TMPRSS9: variants seen among roughly 807,000 people sequenced by gnomAD.
The protein encoded by TMPRSS9 is transmembrane protease serine 9.
TMPRSS9 carries 113 observed loss-of-function variants against 111.4 expected under a neutral mutation model. The observed-to-expected ratio is 1.01, with a 90% CI of 0.87 to 1.19. The LOEUF is 1.19. Ranked by LOEUF, TMPRSS9 falls within the 50% of genes most tolerant of loss-of-function variation. The probability of loss-of-function intolerance (pLI) is 0.00; values close to 1 mark genes in which losing one functional copy is unlikely to be tolerated. For missense variants in TMPRSS9, 1,803 were observed against 1,513.1 expected (o/e 1.19, Z -3.18); for synonymous variants, 805 against 659.1 (o/e 1.22, Z -3.39).
At chr19:2,393,328 T>G (rs989807697) in intron 1 of TMPRSS9, among the ~76,000 whole-genome samples, 1 of 152,024 alleles carries the variant, frequency 6.6e-6, no homozygotes, top group Non-Finnish European at 1.5e-5. Context: ...CCAGGAGGAA[T>G]GAACAACTCC....
intron 6 of TMPRSS9, among the ~76,000 whole-genome samples, chr19:2,404,381 G>A (rs989647337): frequency 6.6e-6 from 1 of 151,788 alleles, no homozygotes; most frequent in Non-Finnish European, 1.5e-5. Flanking sequence ...TGACTAAAAA[G>A]CTATTTAGAA....
intron 12 of TMPRSS9, among the ~76,000 whole-genome samples, chr19:2,417,713 A>G (rs1599311132): frequency 6.6e-6 from 1 of 151,904 alleles, no homozygotes; most frequent in South Asian, 2.1e-4. Context: ...GACCCCTCCC[A>G]CTCCAACAGT....
rs1420715314 is a variant in TMPRSS9 at position 2,418,332 on chromosome 19, TTTCCTTCCCTCCCTTTCCC to T, written c.2154+196_2154+214del. Among the ~76,000 whole-genome samples, 2 of 32,808 alleles carry T rather than the reference TTTCCTTCCCTCCCTTTCCC, an allele frequency of 6.1e-5. 1 individual carries two copies. Among genetic ancestry groups the T allele is most frequent in the African/African-American group, 5.9e-4 (2 of 3,404 alleles). 21.5% of individuals were successfully genotyped at this position (32,808 alleles called of 152,430 possible). On this transcript the variant is annotated intron_variant, in intron 13 of 17. Transcript: ENST00000648592. ...TTCCCTCCCTCCCTCCCTCCCTCCC[TTTCCTTCCCTCCCTTTCCC>T]TCCCTCCCTCCCTTCCCTTCCCTCC...
chr19:2,393,525 T>A (rs1970643396), intron 1 of TMPRSS9, among the ~76,000 whole-genome samples: 1 of 152,152 alleles, frequency 6.6e-6, no homozygotes, highest in Non-Finnish European at 1.5e-5. Context: ...GCAGCTTCAT[T>A]CTTGAAGTCA....
At chr19:2,363,808 G>A (rs1412646890) in intron 1 of TMPRSS9, among the ~76,000 whole-genome samples, 14 of 116,126 alleles carry the variant, frequency 1.2e-4, no homozygotes, top group East Asian at 3.8e-4. Flanking sequence ...GTGTGTGCGT[G>A]CGCGCGTGTG....
chr19:2,419,483 T>A (rs1028481491), intron 13 of TMPRSS9, among the ~76,000 whole-genome samples: 6 of 150,356 alleles, frequency 4.0e-5, no homozygotes, highest in Non-Finnish European at 7.4e-5. Flanking sequence ...ATTACAGGCG[T>A]GAGCCACTGT....
chr19:2,386,718 A>G (rs116943451), upstream of TMPRSS9, among the ~76,000 whole-genome samples: 6,244 of 152,262 alleles, frequency 0.041, 143 homozygotes, highest in African/African-American at 0.049. Context: ...TGCTGCCAGC[A>G]CAGTGGCTCA....
chr19:2,423,510 G>T, intron 14 of TMPRSS9, among the ~76,000 whole-genome samples: 1 of 147,748 alleles, frequency 6.8e-6, no homozygotes, highest in Non-Finnish European at 1.5e-5. Context: ...GGTGGTGATA[G>T]AGGGCGGCGG....
At chr19:2,371,461 C>T (rs561346913) in intron 1 of TMPRSS9, among the ~76,000 whole-genome samples, 3 of 152,058 alleles carry the variant, frequency 2.0e-5, no homozygotes, top group Admixed American at 1.3e-4. Context: ...CTGAGGCAGG[C>T]GGATTGCCTG....
intron 15 of TMPRSS9, among the ~76,000 whole-genome samples, 175 bp from the exon 17 acceptor site, chr19:2,424,827 C>T (rs989692481): frequency 8.5e-5 from 13 of 152,208 alleles, no homozygotes; most frequent in African/African-American, 3.1e-4. Context: ...CTGCAGTTCC[C>T]GGTGCCGCCT....
chr19:2,385,701 A>G (rs1235088840), upstream of TMPRSS9, among the ~76,000 whole-genome samples: 2 of 151,922 alleles, frequency 1.3e-5, no homozygotes, highest in Admixed American at 6.6e-5. Context: ...GAGTATAAAA[A>G]AATTAACCGG....
chr19:2,389,567 C>T (rs72483458), upstream of TMPRSS9, among the ~76,000 whole-genome samples: 1 of 151,842 alleles, frequency 6.6e-6, no homozygotes, highest in Non-Finnish European at 1.5e-5. Flanking sequence ...GGGGTTTCTC[C>T]ATGTTGGCCG....
intron 9 of TMPRSS9, among the ~76,000 whole-genome samples, chr19:2,412,589 A>G (rs984391345): frequency 4.9e-4 from 75 of 151,980 alleles, no homozygotes; most frequent in African/African-American, 1.7e-3. Flanking sequence ...TTCTACCCCA[A>G]CCAACCCAGG....
intron 1 of TMPRSS9, among the ~76,000 whole-genome samples, chr19:2,393,921 A>T (rs959960080): frequency 1.2e-3 from 125 of 106,374 alleles, no homozygotes; most frequent in Non-Finnish European, 1.6e-3. Context: ...AAAAAAAAAA[A>T]GCTGGGCGCG....
upstream of TMPRSS9, among the ~76,000 whole-genome samples, chr19:2,385,218 AG>A (rs1311905170): frequency 7.2e-4 from 18 of 24,924 alleles, no homozygotes; most frequent in South Asian, 3.3e-3. Flanking sequence ...GCGGGGCTCG[AG>A]GGGGCGGGGC....
In TMPRSS9 at chr19:2,413,982, G is replaced by A. The variant is rs775349923; in HGVS notation, c.1537G>A (p.Val513Met). ...CAAATCGATGCAGGCCCTCAGTACC[G>A]TGCCTCTTGACTGGGTCACCGTTCC... Residue 513 changes from valine (V) to methionine (M), a missense_variant, in exon 10 of 18, where the codon GTG becomes ATG. Val to Met is a conservative substitution (Grantham distance 21, BLOSUM62 1). Transcript: ENST00000648592. The A allele has an allele frequency of 5.7e-5, 91 of 1,606,430 alleles. 1 individual carries two copies. The East Asian group carries it at 1.9e-3, about 33-fold the overall frequency.
At chr19:2,391,398 T>C (rs1332285065) in intron 1 of TMPRSS9, among the ~76,000 whole-genome samples, 1 of 150,860 alleles carries the variant, frequency 6.6e-6, no homozygotes, top group African/African-American at 2.4e-5. Context: ...TTAAAAAATA[T>C]TTGTGGAACT....
intron 1 of TMPRSS9, among the ~76,000 whole-genome samples, chr19:2,364,991 AAG>A (rs1431653576): frequency 6.6e-6 from 1 of 151,886 alleles, no homozygotes; most frequent in Non-Finnish European, 1.5e-5. Context: ...AAAAAAAAAA[AAG>A]AGCAAAACTG....
At chr19:2,425,245 C>T (rs1215025755) in exon 16 of TMPRSS9, 7 of 1,406,882 alleles carry the variant, frequency 5.0e-6, no homozygotes, top group Non-Finnish European at 6.5e-6. Context: ...TCATCACCGG[C>T]TGGGGCTCGG....
Sources: gnomAD v4.1 joint callset for allele counts (sites outside exome capture counted in the v4.1 genomes callset) on GRCh38, gnomAD v4.1.1 for gene constraint, MANE v1.5 for transcripts, NCBI Gene and HGNC (gene_info 2026-07-23, HGNC 2026-07-21) for gene names.